Variants in ANO3 observed in about 807,000 individuals in gnomAD.
The protein encoded by ANO3 is anoctamin-3.
A neutral mutation model predicts 144.8 loss-of-function variants in ANO3; 99 were observed. That is an observed-to-expected ratio of 0.68 (90% CI 0.58 to 0.81). The LOEUF (loss-of-function observed/expected upper bound fraction) is 0.81. ANO3 is among the 30% of genes least tolerant of loss of function. The pLI is 0.00. For synonymous variants in ANO3, 414 were observed against 392.6 expected, an observed-to-expected ratio of 1.05 and a Z score of -0.64; for missense variants, 905 against 1,202.2, an observed-to-expected ratio of 0.75 and a Z score of 3.66.
intron 8 of ANO3, among the ~76,000 whole-genome samples, chr11:26,532,292 T>C (rs1849393919): frequency 6.6e-6 from 1 of 152,214 alleles, no homozygotes; most frequent in Non-Finnish European, 1.5e-5. Flanking sequence ...AAATTCCAAA[T>C]GACTGTTGGC....
In ANO3 at chr11:26,525,684, G is replaced by T; in HGVS notation, c.737+5G>T. On this transcript the variant is annotated splice_donor_5th_base_variant and intron_variant, in intron 7 of 26. Coordinates refer to ENST00000256737, the MANE Select transcript of ANO3 (RefSeq NM_031418.4). ...GAGGAGCAAATCAATGGGCAGGTTG[G>T]TGGGTGATGAATCATTTCTTTATAA... is the stretch of plus-strand genomic sequence containing the variant. The T allele has an allele frequency of 1.2e-6, 2 of 1,607,374 alleles. No homozygotes were observed. The highest frequency in any genetic ancestry group is 1.7e-6 in the Non-Finnish European group (2 of 1,176,816).
intron 3 of ANO3, among the ~76,000 whole-genome samples, chr11:26,445,413 T>C (rs889735183): frequency 6.6e-6 from 1 of 152,210 alleles, no homozygotes; most frequent in Non-Finnish European, 1.5e-5. Context: ...CCTTGCATTT[T>C]ATTTTTGATG....
intron 3 of ANO3, among the ~76,000 whole-genome samples, chr11:26,457,192 T>C (rs1479738046): frequency 6.6e-6 from 1 of 151,338 alleles, no homozygotes; most frequent in African/African-American, 2.4e-5. Context: ...TACCTGCACA[T>C]TGTGCACACG....
intron 24 of ANO3, among the ~76,000 whole-genome samples, chr11:26,653,361 G>A (rs900744413): frequency 4.6e-5 from 7 of 150,606 alleles, no homozygotes; most frequent in Non-Finnish European, 1.0e-4. Context: ...TTTTTTCCAC[G>A]CCCCACACAA....
intron 22 of ANO3, 115 bp from the exon 23 acceptor site, chr11:26,643,067 A>G (rs1853221767): frequency 2.2e-6 from 2 of 894,262 alleles, no homozygotes; most frequent in Non-Finnish European, 3.5e-6. Context: ...GTAAAATGAG[A>G]TAAAGCTATC....
intron 21 of ANO3, among the ~76,000 whole-genome samples, chr11:26,639,739 CATCA>C (rs1278742728): frequency 6.6e-6 from 1 of 152,168 alleles, no homozygotes; most frequent in Non-Finnish European, 1.5e-5. Context: ...ATTGTACTAA[CATCA>C]AAACAATAGC....
chr11:26,568,997 T>C (rs1188625634), intron 14 of ANO3, among the ~76,000 whole-genome samples: 3 of 152,060 alleles, frequency 2.0e-5, no homozygotes, highest in Non-Finnish European at 4.4e-5. Context: ...CCTAATAAAG[T>C]GGTCACCAGT....
chr11:26,554,711 G>A (rs371570), intron 13 of ANO3, among the ~76,000 whole-genome samples: 3 of 151,954 alleles, frequency 2.0e-5, no homozygotes, highest in South Asian at 2.1e-4. Flanking sequence ...CTCAAGTGGT[G>A]CTTTCCTTGA....
At chr11:26,208,916 G>A (rs1486107314) in intron 1 of ANO3, among the ~76,000 whole-genome samples, 1 of 152,176 alleles carries the variant, frequency 6.6e-6, no homozygotes, top group East Asian at 1.9e-4. Context: ...ATGTAACTGT[G>A]TGGGAAATAG....
At chr11:26,356,663 A>G (rs1406509560) in intron 1 of ANO3, among the ~76,000 whole-genome samples, 1 of 152,188 alleles carries the variant, frequency 6.6e-6, no homozygotes, top group Non-Finnish European at 1.5e-5. Context: ...AGTGAATTAA[A>G]CAGTACATTT....
At chr11:26,340,903 C>T (rs949372143) in intron 1 of ANO3, among the ~76,000 whole-genome samples, 4 of 152,148 alleles carry the variant, frequency 2.6e-5, no homozygotes, top group Admixed American at 1.3e-4. Flanking sequence ...AAACTGGACA[C>T]TTTAATTAAT....
chr11:26,655,639 A>T (rs1162326142), intron 24 of ANO3, among the ~76,000 whole-genome samples: 1 of 152,052 alleles, frequency 6.6e-6, no homozygotes, highest in Non-Finnish European at 1.5e-5. Context: ...CTACACAGGG[A>T]TAGGGGTTTT....
intron 7 of ANO3, among the ~76,000 whole-genome samples, chr11:26,526,665 C>T (rs1849171191): frequency 1.3e-5 from 2 of 151,904 alleles, no homozygotes; most frequent in African/African-American, 4.8e-5. Context: ...TTAGGCGTGG[C>T]AGTATTGAGT....
intron 11 of ANO3, among the ~76,000 whole-genome samples, chr11:26,542,835 T>A (rs988869760): frequency 6.6e-6 from 1 of 151,572 alleles, no homozygotes; most frequent in African/African-American, 2.4e-5. Flanking sequence ...TTTAGTTAAC[T>A]ATATTTATAG....
chr11:26,400,840 A>G, intron 1 of ANO3, among the ~76,000 whole-genome samples: 1 of 56,602 alleles, frequency 1.8e-5, no homozygotes, highest in South Asian at 9.3e-4. Context: ...TGCTGCCTAG[A>G]TGAATATATA....
At chr11:26,294,766 T>G (rs1249801834) in intron 1 of ANO3, among the ~76,000 whole-genome samples, 1 of 152,232 alleles carries the variant, frequency 6.6e-6, no homozygotes, top group African/African-American at 2.4e-5. Flanking sequence ...CGAAAAAATC[T>G]TATGCCTTTC....
At chr11:26,345,460 G>A (rs1855475559) in intron 1 of ANO3, among the ~76,000 whole-genome samples, 1 of 152,216 alleles carries the variant, frequency 6.6e-6, no homozygotes, top group African/African-American at 2.4e-5. Context: ...GGCTGAGGCA[G>A]GAGAATGGCT....
In ANO3 at chr11:26,284,115, T is replaced by C. The variant is rs117007919; in HGVS notation, c.155-25530T>C. Among the ~76,000 whole-genome samples the C allele has an allele frequency of 3.3e-3, 507 of 152,226 alleles. 12 individuals are homozygous for C. In the East Asian group the frequency reaches 0.049, roughly 15 times the overall value. ...TTGGAGGACAGGGCCAGAAGTGCTC[T>C]AAGTGCAGTGGGAAGCAATTGAAGG... On this transcript the variant is annotated intron_variant, in intron 1 of 27. Transcript: ENST00000672621.
At chr11:26,615,184 T>TG (rs937672722) in intron 17 of ANO3, among the ~76,000 whole-genome samples, 10 of 147,910 alleles carry the variant, frequency 6.8e-5, no homozygotes, top group African/African-American at 2.2e-4. Flanking sequence ...CTGTTTTTGT[T>TG]TTTTTTTTTA....
Sources: gnomAD v4.1 joint callset for allele counts (sites outside exome capture counted in the v4.1 genomes callset) on GRCh38, gnomAD v4.1.1 for gene constraint, MANE v1.5 for transcripts, NCBI Gene and HGNC (gene_info 2026-07-23, HGNC 2026-07-21) for gene names.